The following ZNF385D variants were observed in gnomAD, a reference collection of about 807,000 sequenced individuals.
The protein encoded by ZNF385D is zinc finger protein 385D.
In ZNF385D, 15 loss-of-function variants were observed where a neutral mutation model predicts 35.8. The ratio of observed to expected loss-of-function variants is 0.42; its 90% confidence interval spans 0.28 to 0.64. The LOEUF (loss-of-function observed/expected upper bound fraction) is 0.64. Among genes scored for constraint, ZNF385D ranks in the 30% least tolerant of loss-of-function variants. The pLI is 0.23. For synonymous variants in ZNF385D, 212 were observed against 186.8 expected (o/e 1.13, Z -1.10); for missense variants, 474 against 494.6 (o/e 0.96, Z 0.39).
At chr3:21,852,823 A>G (rs1696466725) in intron 3 of ZNF385D, among the ~76,000 whole-genome samples, 1 of 151,904 alleles carries the variant, frequency 6.6e-6, no homozygotes, top group East Asian at 1.9e-4. Flanking sequence ...ATATTGAAAA[A>G]GAGTGAGACT....
rs112181788 is a variant in ZNF385D at position 21,921,893 on chromosome 3, T to A, written c.325+246924A>T. Among the ~76,000 whole-genome samples the A allele has an allele frequency of 3.1e-4, 47 of 149,734 alleles. 1 individual carries two copies. Among genetic ancestry groups the A allele is most frequent in the African/African-American group, 1.1e-3 (45 of 40,858 alleles). ...AAAAGATGCCCTAGAACAGATAGAT[T>A]CACAGCCAAATTCTACAAGACATAC... On this transcript the variant is annotated intron_variant, in intron 3 of 5. Coordinates refer to the ZNF385D transcript ENST00000494108.
At chr3:21,616,582 C>G (rs1228886963) in intron 2 of ZNF385D, among the ~76,000 whole-genome samples, 2 of 152,108 alleles carry the variant, frequency 1.3e-5, no homozygotes, top group African/African-American at 4.8e-5. Flanking sequence ...TTGCAAACCA[C>G]AAATGTTTCT....
chr3:22,038,362 A>C (rs1698463505), intron 3 of ZNF385D, among the ~76,000 whole-genome samples: 1 of 152,172 alleles, frequency 6.6e-6, no homozygotes, highest in South Asian at 2.1e-4. Flanking sequence ...TTTCTCACTT[A>C]TTATCAGCAT....
intron 2 of ZNF385D, among the ~76,000 whole-genome samples, chr3:22,320,932 G>A (rs560573450): frequency 6.6e-6 from 1 of 151,676 alleles, no homozygotes; most frequent in African/African-American, 2.4e-5. Flanking sequence ...ATTGTTATTG[G>A]AAGAAAAATG....
chr3:21,939,499 T>C lies in ZNF385D; in HGVS notation c.325+229318A>G, dbSNP rs1701415687. 2.6e-5 allele frequency among the ~76,000 whole-genome samples: 4 copies of C among 152,148 alleles called. No homozygotes were observed. In the South Asian group the frequency reaches 8.3e-4, roughly 31 times the overall value. On this transcript the variant is annotated intron_variant, in intron 3 of 5. Coordinates refer to the ZNF385D transcript ENST00000494108. The stretch of plus-strand genomic sequence containing the variant: ...TTCACAAAAAAAACCATCCACCAAT[T>C]ATATATTGTAAATTATAAGTTGCAT...
intron 3 of ZNF385D, among the ~76,000 whole-genome samples, chr3:21,526,247 T>C (rs1226933131): frequency 1.3e-5 from 2 of 152,068 alleles, no homozygotes; most frequent in Non-Finnish European, 2.9e-5. Flanking sequence ...GCCTGTTCCT[T>C]AAAGTTGTTT....
At chr3:22,136,184 G>C (rs924328764) in intron 3 of ZNF385D, among the ~76,000 whole-genome samples, 21 of 152,136 alleles carry the variant, frequency 1.4e-4, no homozygotes, top group Admixed American at 4.6e-4. Context: ...AGGAGTTTGA[G>C]ACCAGCCTGG....
At chr3:21,823,248 C>G (rs573842689) in intron 3 of ZNF385D, among the ~76,000 whole-genome samples, 26 of 152,224 alleles carry the variant, frequency 1.7e-4, no homozygotes, top group African/African-American at 6.3e-4. Flanking sequence ...GTTATTCATA[C>G]TAAATTTGGT....
intron 2 of ZNF385D, among the ~76,000 whole-genome samples, chr3:21,632,229 A>G (rs913555914): frequency 2.0e-5 from 3 of 152,142 alleles, no homozygotes; most frequent in African/African-American, 7.2e-5. Context: ...GATGGATACT[A>G]AATAAATTTG....
intron 3 of ZNF385D, among the ~76,000 whole-genome samples, chr3:21,810,996 G>GTATATATATA: frequency 7.5e-6 from 1 of 133,278 alleles, no homozygotes; most frequent in Non-Finnish European, 1.6e-5. Flanking sequence ...GTGTGTGTGT[G>GTATATATATA]TGTATATATA....
chr3:21,645,450 G>C (rs1029177562), intron 2 of ZNF385D, among the ~76,000 whole-genome samples: 3 of 152,136 alleles, frequency 2.0e-5, no homozygotes, highest in African/African-American at 7.2e-5. Context: ...TCTCCTAAAG[G>C]TGGGGGATCT....
intron 2 of ZNF385D, among the ~76,000 whole-genome samples, chr3:21,602,714 TA>T (rs1390198777): frequency 2.7e-5 from 4 of 150,462 alleles, no homozygotes; most frequent in African/African-American, 9.9e-5. Context: ...TTTGTATTTT[TA>T]GTAGAGACGG....
intron 3 of ZNF385D, among the ~76,000 whole-genome samples, chr3:21,872,680 G>A (rs994714219): frequency 6.6e-5 from 10 of 151,884 alleles, no homozygotes; most frequent in African/African-American, 2.4e-4. Context: ...TGGCAAAATG[G>A]CCTGAAAGAA....
intron 2 of ZNF385D, among the ~76,000 whole-genome samples, chr3:22,351,587 T>C (rs1695917995): frequency 2.0e-5 from 3 of 152,098 alleles, no homozygotes; most frequent in Admixed American, 1.3e-4. Flanking sequence ...ACTACAAATA[T>C]AGCTTCAAAT....
At chr3:21,938,660 T>C (rs187081723) in intron 3 of ZNF385D, among the ~76,000 whole-genome samples, 24 of 152,300 alleles carry the variant, frequency 1.6e-4, no homozygotes, top group African/African-American at 4.8e-4. Context: ...ACACTGCTCA[T>C]TGCTGTTCTG....
intron 3 of ZNF385D, among the ~76,000 whole-genome samples, chr3:22,009,555 A>G (rs112326279): frequency 0.16 from 24,544 of 150,920 alleles, 2,140 homozygotes; most frequent in Non-Finnish European, 0.19. Flanking sequence ...CCCAGGAGGC[A>G]GAGCTTGCAG....
At chr3:21,649,530 A>G (rs1044943415) in intron 2 of ZNF385D, among the ~76,000 whole-genome samples, 1 of 152,194 alleles carries the variant, frequency 6.6e-6, no homozygotes, top group African/African-American at 2.4e-5. Context: ...AAGCCATTTT[A>G]TAAGAGTTTG....
intron 5 of ZNF385D, chr3:21,430,933 GTAAAC>G (rs1338786164): frequency 1.3e-5 from 2 of 152,094 alleles, no homozygotes; most frequent in Admixed American, 6.6e-5. Context: ...TGCATTTTGT[GTAAAC>G]TAGTTTTATT....
At chr3:21,853,367 A>G (rs1220745382) in intron 3 of ZNF385D, among the ~76,000 whole-genome samples, 1 of 151,832 alleles carries the variant, frequency 6.6e-6, no homozygotes, top group Non-Finnish European at 1.5e-5. Flanking sequence ...GGTAATATCT[A>G]TTAGATCAGA....
Sources: gnomAD v4.1 joint callset for allele counts (sites outside exome capture counted in the v4.1 genomes callset) on GRCh38, gnomAD v4.1.1 for gene constraint, MANE v1.5 for transcripts, NCBI Gene and HGNC (gene_info 2026-07-23, HGNC 2026-07-21) for gene names.